Variants in ADAM17 observed in about 807,000 individuals in gnomAD.
The protein encoded by ADAM17 is ADAM metallopeptidase domain 17.
Under a neutral mutation model 96.7 loss-of-function variants are expected in ADAM17, and 39 were observed. That is an observed-to-expected ratio of 0.40 (90% CI 0.31 to 0.53). The LOEUF is 0.53. Among genes scored for constraint, ADAM17 ranks in the 20% least tolerant of loss-of-function variants. The pLI is 0.44. For synonymous variants in ADAM17, 344 were observed against 359.2 expected (o/e 0.96, Z 0.48); for missense variants, 777 against 1,013.2 (o/e 0.77, Z 3.17).
chr2:9,550,688 G>A (rs1047112157), intron 1 of ADAM17, among the ~76,000 whole-genome samples: 1 of 151,410 alleles, frequency 6.6e-6, no homozygotes, highest in African/African-American at 2.4e-5. Context: ...CAAGTCATCC[G>A]CCGGCCTCAG....
At chr2:9,504,647 C>CACT (rs1412876381) in intron 12 of ADAM17, among the ~76,000 whole-genome samples, 1 of 140,898 alleles carries the variant, frequency 7.1e-6, no homozygotes, top group Non-Finnish European at 1.5e-5. Flanking sequence ...CCTGTAGTCC[C>CACT]ACTACTCAGG....
chr2:9,490,306 G>A lies in ADAM17; in HGVS notation c.2346C>T (p.Phe782=), dbSNP rs201360504. ...ACTTGGCAGCTGTGCTGCTATTTGGGAAGGGGTCCTTCTCAAACCCATCCT... is the reference window on the plus strand; with the variant it reads ...ACTTGGCAGCTGTGCTGCTATTTGGAAAGGGGTCCTTCTCAAACCCATCCT... ...MDEDGFEKDP[F]PNSSTAAKSF... The change falls in exon 19 of 19, where the codon TTC becomes TTT. Residue 782 remains phenylalanine, a synonymous_variant. Transcript: ENST00000310823. The A allele has an allele frequency of 1.4e-3, 2,189 of 1,614,204 alleles. 45 individuals carry two copies. In the South Asian group the frequency reaches 0.023, roughly 17 times the overall value.
rs551774656 is a variant in ADAM17 at position 9,489,950 on chromosome 2, C to G, written c.*227G>C. The G allele has an allele frequency of 2.2e-5, 10 of 455,822 alleles. No homozygotes were observed. The highest frequency in any genetic ancestry group is 3.5e-5 in the Non-Finnish European group (9 of 258,224). The allele number at this position is 455,822 out of a possible 1,614,324, so 28.2% of individuals were successfully genotyped here. On this transcript the variant is annotated 3_prime_UTR_variant, in exon 19 of 19. Coordinates refer to ENST00000310823, the MANE Select transcript of ADAM17 (RefSeq NM_003183.6). ...CACAGGTCAAAAGATATTTTAAAAACTAAAACCTGAAAGCCTCAAAATAAG... is the reference window on the plus strand; with the variant it reads ...CACAGGTCAAAAGATATTTTAAAAAGTAAAACCTGAAAGCCTCAAAATAAG...
intron 1 of ADAM17, among the ~76,000 whole-genome samples, chr2:9,555,225 C>T (rs1281678765): frequency 6.6e-6 from 1 of 152,154 alleles, no homozygotes; most frequent in East Asian, 1.9e-4. Flanking sequence ...TTACCGCTTT[C>T]CCAACACCCT....
At chr2:9,521,418 AAAAAAACATTTT>A (rs1413079905) in intron 7 of ADAM17, 102 bp from the exon 8 acceptor site, 1 of 869,924 alleles carries the variant, frequency 1.1e-6, no homozygotes, top group Non-Finnish European at 1.7e-6. Flanking sequence ...TCGTTCTAGA[AAAAAAACATTTT>A]AAAACCAAAA....
chr2:9,539,242 G>T (rs1313727528), intron 2 of ADAM17, among the ~76,000 whole-genome samples: 1 of 151,886 alleles, frequency 6.6e-6, no homozygotes, highest in African/African-American at 2.4e-5. Context: ...CAAATAGCTG[G>T]GACTACAGGC....
chr2:9,498,843 C>T (rs1357729261), intron 13 of ADAM17, among the ~76,000 whole-genome samples: 2 of 152,184 alleles, frequency 1.3e-5, no homozygotes, highest in Non-Finnish European at 2.9e-5. Context: ...TGTTGAGCAT[C>T]TGTTCTTAAA....
At position 9,502,328 on chromosome 2, in the gene ADAM17, T is replaced by C. The variant is rs767309434; in HGVS notation, c.1545-52A>G. On this transcript the variant is annotated intron_variant, in intron 12 of 18. Transcript: ENST00000310823. The stretch of plus-strand genomic sequence containing the variant: ...GAGCAATTCAAATTATGGCCCCATA[T>C]CAAATCAAACGCTACAGTTACGTTA... The C allele has an allele frequency of 1.6e-5, 23 of 1,479,476 alleles. 1 individual carries two copies. In the South Asian group the frequency reaches 2.5e-4, roughly 16 times the overall value. The allele number at this position is 1,479,476 out of a possible 1,614,324, so 91.6% of individuals were successfully genotyped here.
chr2:9,505,029 G>A (rs1259732583), intron 12 of ADAM17, 137 bp downstream of exon 12: 3 of 969,462 alleles, frequency 3.1e-6, no homozygotes, highest in Non-Finnish European at 4.6e-6. Context: ...TGCTGTGAAG[G>A]GCAAAAGAGG....
At chr2:9,538,402 T>C (rs1205907401) in intron 2 of ADAM17, among the ~76,000 whole-genome samples, 1 of 152,234 alleles carries the variant, frequency 6.6e-6, no homozygotes, top group Non-Finnish European at 1.5e-5. Flanking sequence ...TTTAGTTTGC[T>C]TGTGGTTTTT....
At chr2:9,526,303 G>C in intron 5 of ADAM17, 59 bp from the exon 6 acceptor site, 3 of 1,535,006 alleles carry the variant, frequency 2.0e-6, no homozygotes, top group Non-Finnish European at 2.7e-6. Flanking sequence ...GAGTTTTATG[G>C]TAACACTTTA....
At chr2:9,518,395 G>T in intron 8 of ADAM17, 148 bp from the exon 9 acceptor site, 3 of 1,000,902 alleles carry the variant, frequency 3.0e-6, no homozygotes, top group Non-Finnish European at 4.1e-6. Context: ...ACAACCTCGT[G>T]CAGTGCTTTG....
intron 1 of ADAM17, among the ~76,000 whole-genome samples, chr2:9,545,830 G>A (rs1446618217): frequency 1.3e-5 from 2 of 151,702 alleles, no homozygotes; most frequent in Non-Finnish European, 2.9e-5. Flanking sequence ...GCGGTGGCTC[G>A]CTCCTGTAAT....
rs1266326451 is a variant in ADAM17, at chr2:9,489,210, A to C, written c.*967T>G. 6.6e-6 allele frequency: 1 copy of C among 150,446 alleles called. No individual in the cohort carries two copies. Among genetic ancestry groups the C allele is most frequent in the East Asian group, 1.9e-4 (1 of 5,194 alleles). The allele number at this position is 150,446 out of a possible 1,614,324, so 9.3% of individuals were successfully genotyped here. The stretch of plus-strand genomic sequence containing the variant: ...TCACCCTCTTATTCAATAGTGTTTG[A>C]AAACAGGCAATCTTTGTATTTTAAA... On this transcript the variant is annotated 3_prime_UTR_variant, in exon 19 of 19. Coordinates refer to ENST00000310823, the MANE Select transcript of ADAM17 (RefSeq NM_003183.6).
intron 4 of ADAM17, among the ~76,000 whole-genome samples, chr2:9,529,844 G>A (rs12478393): frequency 0.014 from 2,059 of 151,976 alleles, 190 homozygotes; most frequent in Admixed American, 0.12. Context: ...GGTGGTGGGC[G>A]CCTGTAATCC....
At chr2:9,553,342 G>A (rs1342269645) in intron 1 of ADAM17, among the ~76,000 whole-genome samples, 1 of 151,272 alleles carries the variant, frequency 6.6e-6, no homozygotes, top group African/African-American at 2.4e-5. Flanking sequence ...CCAATGCCAC[G>A]TATAATACTT....
At chr2:9,493,935 GT>G in intron 15 of ADAM17, 110 bp from the exon 16 acceptor site, 1 of 865,018 alleles carries the variant, frequency 1.2e-6, no homozygotes, top group South Asian at 1.8e-5. Flanking sequence ...AAAATCAAAC[GT>G]TTTCCCATCT....
intron 12 of ADAM17, 48 bp downstream of exon 12, chr2:9,505,118 C>A: frequency 6.3e-7 from 1 of 1,592,088 alleles, no homozygotes; most frequent in Non-Finnish European, 8.6e-7. Context: ...TTATTTTGGA[C>A]ATCTTGTTAT....
intron 15 of ADAM17, 133 bp downstream of exon 15, chr2:9,494,504 C>T (rs565120927): frequency 1.4e-5 from 14 of 1,021,912 alleles, no homozygotes; most frequent in South Asian, 6.5e-5. Context: ...AAGTAATACC[C>T]GTAGATAACA....
Sources: allele counts gnomAD v4.1 joint callset (sites outside exome capture counted in the v4.1 genomes callset), GRCh38; gene constraint gnomAD v4.1.1; transcripts MANE v1.5; gene names NCBI Gene and HGNC (gene_info 2026-07-23, HGNC 2026-07-21).